Variants in UGT2A3 observed in about 807,000 individuals in gnomAD.
UGT2A3 encodes the protein UDP glucuronosyltransferase family 2 member A3.
Under a neutral mutation model 44.1 loss-of-function variants are expected in UGT2A3, and 55 were observed. The observed-to-expected ratio is 1.25, with a 90% confidence interval of 1.00 to 1.56. UGT2A3 has a LOEUF of 1.56. UGT2A3 is among the 40% of genes most tolerant of loss of function. UGT2A3 has a pLI of 0.00. For missense variants in UGT2A3, 733 were observed against 621.6 expected (o/e 1.18, Z -1.91); for synonymous variants, 243 against 215.1 (o/e 1.13, Z -1.13).
intron 1 of UGT2A3, 117 bp downstream of exon 1, chr4:68,950,929 A>G: frequency 1.4e-6 from 1 of 692,392 alleles, no homozygotes; most frequent in Non-Finnish European, 2.2e-6. Flanking sequence ...AAAAACAGCT[A>G]CAACATTTTC....
At chr4:68,940,705 T>A (rs549988925) in intron 2 of UGT2A3, among the ~76,000 whole-genome samples, 1 of 147,990 alleles carries the variant, frequency 6.8e-6, no homozygotes, top group Non-Finnish European at 1.5e-5. Context: ...TATATATATA[T>A]AAAACTTAAA....
intron 2 of UGT2A3, among the ~76,000 whole-genome samples, chr4:68,940,456 T>C (rs1718142940): frequency 6.6e-6 from 1 of 151,620 alleles, no homozygotes; most frequent in Admixed American, 6.6e-5. Context: ...GGATAGAAAA[T>C]CAAACACTGC....
At chr4:68,934,369 G>A (rs1717857097) in intron 2 of UGT2A3, among the ~76,000 whole-genome samples, 1 of 151,370 alleles carries the variant, frequency 6.6e-6, no homozygotes, top group South Asian at 2.1e-4. Context: ...ACAAGAACAA[G>A]GAAACTCAAA....
rs1308931492 is a variant in UGT2A3, at chr4:68,930,036, G to A, written c.1361C>T (p.Pro454Leu). The stretch of plus-strand genomic sequence containing the variant: ...GATCCAGAAGACTGCTCGATCTAGG[G>A]GCTTTACAGGTTGATCATGGTGAAT... ...SRIHHDQPVK[P>L]LDRAVFWIEF... is the part of the protein sequence containing the mutation. Residue 454 changes from proline to leucine, a missense_variant, in exon 6 of 6, where the codon CCC (proline) becomes CTC (leucine). Coordinates refer to ENST00000251566, the MANE Select transcript of UGT2A3 (RefSeq NM_024743.4). 6.2e-7 allele frequency: 1 copy of A among 1,613,412 alleles called. No homozygotes were observed. Among genetic ancestry groups the A allele is most frequent in the Admixed American group, 1.7e-5 (1 of 59,960 alleles).
At chr4:68,938,205 A>G (rs1465203275) in intron 2 of UGT2A3, among the ~76,000 whole-genome samples, 1 of 152,144 alleles carries the variant, frequency 6.6e-6, no homozygotes, top group Non-Finnish European at 1.5e-5. Flanking sequence ...AACTCATGTT[A>G]TGAGGCCAGC....
intron 4 of UGT2A3, among the ~76,000 whole-genome samples, 175 bp from the exon 5 acceptor site, chr4:68,930,940 G>A (rs1237345286): frequency 1.3e-5 from 2 of 152,040 alleles, no homozygotes; most frequent in Non-Finnish European, 2.9e-5. Flanking sequence ...CAGAAAAATA[G>A]GCATTAATTC....
In UGT2A3 at chr4:68,933,418, G is replaced by A. The variant is rs140212983; in HGVS notation, c.865-659C>T. The stretch of plus-strand genomic sequence containing the variant: ...TCCATATCAGTGTGTGAATCATTGT[G>A]AGAAGCCTTCTATGTTCCATCCCAC... On this transcript the variant is annotated intron_variant, in intron 2 of 5. Transcript: ENST00000251566. Among the ~76,000 whole-genome samples, 518 of 152,166 alleles carry A rather than the reference G, an allele frequency of 3.4e-3. 5 individuals carry two copies. Among genetic ancestry groups the A allele is most frequent in the African/African-American group, 0.012 (494 of 41,550 alleles).
At chr4:68,933,459 T>C (rs1003645979) in intron 2 of UGT2A3, among the ~76,000 whole-genome samples, 5 of 151,880 alleles carry the variant, frequency 3.3e-5, no homozygotes, top group East Asian at 2.0e-4. Context: ...GTATTAGGAG[T>C]GTCAGAAGGG....
At chr4:68,931,699 C>T (rs1175530849) in intron 3 of UGT2A3, among the ~76,000 whole-genome samples, 1 of 151,878 alleles carries the variant, frequency 6.6e-6, no homozygotes, top group African/African-American at 2.4e-5. Flanking sequence ...GTCTTTTCTT[C>T]TCTATTTCCT....
chr4:68,947,585 T>C (rs1053643358), intron 1 of UGT2A3, among the ~76,000 whole-genome samples: 2 of 151,824 alleles, frequency 1.3e-5, no homozygotes, highest in Non-Finnish European at 2.9e-5. Context: ...ATGTTCTTAA[T>C]GGAATCTAGA....
rs1296099388 is a variant in UGT2A3, at chr4:68,935,272, GTATGTATATATATATATATATATATA to G, written c.865-2539_865-2514del. 6.1e-3 allele frequency among the ~76,000 whole-genome samples: 542 copies of G among 89,262 alleles called. 10 individuals are homozygous for G. The highest frequency in any genetic ancestry group is 9.8e-3 in the African/African-American group (276 of 28,264). The allele number at this position is 89,262 out of a possible 152,430, so 58.6% of individuals were successfully genotyped here. Reference sequence around the variant, plus strand: ...GACAAGGAGGTGTGTATGTATGTATGTATGTATATATATATATATATATATATATATATATATATATATATGCATAA... The same window carrying G: ...GACAAGGAGGTGTGTATGTATGTATGTATATATATATATATATATGCATAA... On this transcript the variant is annotated intron_variant, in intron 2 of 5. Coordinates refer to ENST00000251566, the MANE Select transcript of UGT2A3 (RefSeq NM_024743.4).
chr4:68,945,353 C>G lies in UGT2A3; in HGVS notation c.817G>C (p.Glu273Gln). ...TTACAGTGCAATCCTCCAACAAACT[C>G]AAAGTTAGGTTGGTATGGTTGAGGA... ...EFPQPYQPNF[E>Q]FVGGLHCKPA... Residue 273 changes from glutamate (E) to glutamine (Q), a missense_variant, in exon 2 of 6, where the codon GAG (glutamate) becomes CAG (glutamine). Coordinates refer to ENST00000251566, the MANE Select transcript of UGT2A3 (RefSeq NM_024743.4). The G allele has an allele frequency of 6.2e-7, 1 of 1,611,456 alleles. No individual in the cohort carries two copies.
intron 5 of UGT2A3, among the ~76,000 whole-genome samples, 179 bp from the exon 6 acceptor site, chr4:68,930,271 T>C (rs987237065): frequency 6.6e-6 from 1 of 152,052 alleles, no homozygotes; most frequent in Non-Finnish European, 1.5e-5. Flanking sequence ...GTGGAGAGAC[T>C]GAAAGAGTAT....
chr4:68,941,331 T>A (rs1327724976), intron 2 of UGT2A3, among the ~76,000 whole-genome samples: 1 of 151,788 alleles, frequency 6.6e-6, no homozygotes, highest in Non-Finnish European at 1.5e-5. Flanking sequence ...ACAACACAAA[T>A]GGAGGAATAT....
chr4:68,938,768 G>A (rs966170315), intron 2 of UGT2A3, among the ~76,000 whole-genome samples: 6 of 152,110 alleles, frequency 3.9e-5, no homozygotes, highest in Non-Finnish European at 8.8e-5. Flanking sequence ...AATTGTCCCC[G>A]TTTGCAGATG....
intron 2 of UGT2A3, among the ~76,000 whole-genome samples, chr4:68,940,214 T>G (rs1434965806): frequency 1.3e-5 from 2 of 152,110 alleles, no homozygotes; most frequent in African/African-American, 4.8e-5. Context: ...ACACAAAGGA[T>G]AGTAAATCAT....
chr4:68,934,817 TATA>T (rs1717872564), intron 2 of UGT2A3, among the ~76,000 whole-genome samples: 2 of 151,904 alleles, frequency 1.3e-5, no homozygotes. Flanking sequence ...TTCAGTGAGC[TATA>T]ATAATGTCAC....
At chr4:68,935,258 GTGTATGTA>G (rs200178427) in intron 2 of UGT2A3, among the ~76,000 whole-genome samples, 1 of 26,198 alleles carries the variant, frequency 3.8e-5, no homozygotes, top group African/African-American at 8.9e-5. Context: ...ACAAGGAGGT[GTGTATGTA>G]TGTATGTATG....
chr4:68,942,338 T>C (rs1325334535), intron 2 of UGT2A3, among the ~76,000 whole-genome samples: 6 of 144,016 alleles, frequency 4.2e-5, no homozygotes. Flanking sequence ...TCTCTCTCTC[T>C]CTATATATAT....
Sources: allele counts gnomAD v4.1 joint callset (sites outside exome capture counted in the v4.1 genomes callset), GRCh38; gene constraint gnomAD v4.1.1; transcripts MANE v1.5; gene names NCBI Gene and HGNC (gene_info 2026-07-23, HGNC 2026-07-21).